The following LRP6 variants were observed in gnomAD, a reference collection of about 807,000 sequenced individuals.
The protein encoded by LRP6 is low-density lipoprotein receptor-related protein 6.
In LRP6, 43 loss-of-function variants were observed where a neutral mutation model predicts 184.1. The ratio of observed to expected loss-of-function variants is 0.23; its 90% CI spans 0.18 to 0.30. LRP6 has a LOEUF of 0.30. Ranked by LOEUF, LRP6 falls within the 10% of genes least tolerant of loss-of-function variation. The pLI is 1.00. For synonymous variants in LRP6, 719 were observed against 684.9 expected, an observed-to-expected ratio of 1.05 and a Z score of -0.78; for missense variants, 1,571 against 2,005.3, an observed-to-expected ratio of 0.78 and a Z score of 4.14.
At chr12:12,242,203 A>T (rs909799352) in intron 2 of LRP6, among the ~76,000 whole-genome samples, 9 of 151,970 alleles carry the variant, frequency 5.9e-5, no homozygotes, top group African/African-American at 2.2e-4. Flanking sequence ...TTATTTTAAC[A>T]CTCTTCCTCT....
chr12:12,185,526 T>C (rs925784894), intron 4 of LRP6, among the ~76,000 whole-genome samples: 1 of 152,232 alleles, frequency 6.6e-6, no homozygotes, highest in African/African-American at 2.4e-5. Context: ...TTTTTGGCTA[T>C]GTAATAAAAT....
At chr12:12,238,420 A>C (rs985977820) in intron 2 of LRP6, among the ~76,000 whole-genome samples, 9 of 152,130 alleles carry the variant, frequency 5.9e-5, no homozygotes, top group Non-Finnish European at 1.3e-4. Context: ...AAAAATGCTT[A>C]GATTCTAGAA....
chr12:12,184,472 A>G (rs549129000), intron 4 of LRP6, among the ~76,000 whole-genome samples: 5 of 140,120 alleles, frequency 3.6e-5, no homozygotes, highest in Middle Eastern at 4.7e-3. Flanking sequence ...GTCAAATGGG[A>G]AAAAAACCGC....
intron 1 of LRP6, among the ~76,000 whole-genome samples, chr12:12,259,032 CG>C (rs1456108699): frequency 6.6e-6 from 1 of 152,166 alleles, no homozygotes; most frequent in African/African-American, 2.4e-5. Context: ...AAGGCCAAAG[CG>C]GGTGGACCAC....
intron 2 of LRP6, among the ~76,000 whole-genome samples, 155 bp downstream of exon 2, chr12:12,244,107 C>T (rs1865128861): frequency 1.3e-5 from 2 of 152,118 alleles, no homozygotes; most frequent in Admixed American, 1.3e-4. Context: ...CACAACGTAA[C>T]TTTCCACATT....
chr12:12,188,278 G>T (rs1398383752), intron 3 of LRP6, among the ~76,000 whole-genome samples: 4 of 151,308 alleles, frequency 2.6e-5, no homozygotes, highest in Non-Finnish European at 5.9e-5. Context: ...CACGTTTTGA[G>T]TCAAAATAAT....
At chr12:12,202,768 TA>T (rs1197379694) in intron 3 of LRP6, among the ~76,000 whole-genome samples, 2 of 152,212 alleles carry the variant, frequency 1.3e-5, no homozygotes, top group Non-Finnish European at 2.9e-5. Flanking sequence ...GCTTTACTGG[TA>T]ATTTTGAGTG....
At chr12:12,121,727 A>G (rs888074526) in intron 22 of LRP6, among the ~76,000 whole-genome samples, 1 of 152,228 alleles carries the variant, frequency 6.6e-6, no homozygotes, top group African/African-American at 2.4e-5. Flanking sequence ...AGAATAAAAA[A>G]TGACTATTCA....
At chr12:12,177,971 A>T (rs1322802025) in intron 7 of LRP6, among the ~76,000 whole-genome samples, 1 of 152,158 alleles carries the variant, frequency 6.6e-6, no homozygotes, top group Non-Finnish European at 1.5e-5. Flanking sequence ...ACAGGGAAGA[A>T]GGAAAGAAGG....
At chr12:12,167,329 T>C (rs1456618106) in intron 7 of LRP6, among the ~76,000 whole-genome samples, 1 of 152,104 alleles carries the variant, frequency 6.6e-6, no homozygotes, top group Admixed American at 6.5e-5. Flanking sequence ...TGGGTACCTT[T>C]AAGCAAGTCT....
intron 2 of LRP6, among the ~76,000 whole-genome samples, chr12:12,205,325 C>CAAAAAAAAAAAAA (rs1334062234): frequency 6.1e-4 from 16 of 26,238 alleles, no homozygotes; most frequent in African/African-American, 1.4e-3. Context: ...CTGTCTCAAA[C>CAAAAAAAAAAAAA]AAACAAAAAA....
At chr12:12,240,858 C>T (rs1424398672) in intron 2 of LRP6, among the ~76,000 whole-genome samples, 2 of 152,138 alleles carry the variant, frequency 1.3e-5, no homozygotes, top group African/African-American at 4.8e-5. Flanking sequence ...TAGGAATCAC[C>T]TCTACTCACT....
At position 12,250,134 on chromosome 12, in the gene LRP6, TCTAATA is replaced by T. The variant is rs139569107; in HGVS notation, c.56-5485_56-5480del. 4.7e-3 allele frequency among the ~76,000 whole-genome samples: 721 copies of T among 152,286 alleles called. 8 individuals carry two copies. The highest frequency in any genetic ancestry group is 0.017 in the African/African-American group (708 of 41,532). ...ATATTCTCCCCTTTCCTTTTCTACT[TCTAATA>T]CTTTCAGTTTAGCCAACTCAAAAGC... is the stretch of plus-strand genomic sequence containing the variant. On this transcript the variant is annotated intron_variant, in intron 1 of 22. Coordinates refer to ENST00000261349, the MANE Select transcript of LRP6 (RefSeq NM_002336.3).
chr12:12,213,549 T>C (rs1245964836), intron 2 of LRP6, among the ~76,000 whole-genome samples: 1 of 152,154 alleles, frequency 6.6e-6, no homozygotes, highest in African/African-American at 2.4e-5. Context: ...TGCAATTTCT[T>C]TCATTGCTTT....
chr12:12,253,859 A>G (rs1041440233), intron 1 of LRP6, among the ~76,000 whole-genome samples: 1 of 152,076 alleles, frequency 6.6e-6, no homozygotes, highest in Non-Finnish European at 1.5e-5. Flanking sequence ...AAAAAGGGCT[A>G]TGGGCCAGGT....
At position 12,126,785 on chromosome 12, in the gene LRP6, C is replaced by T. The variant is rs765921407; in HGVS notation, c.4218G>A (p.Gly1406=). 1 of 1,614,052 alleles carries T rather than the reference C, an allele frequency of 6.2e-7. No homozygotes were observed. Among genetic ancestry groups the T allele is most frequent in the Non-Finnish European group, 8.5e-7 (1 of 1,179,952 alleles). ...RMLCPRMKGD[G]ETMTNDYVVH... is the part of the protein sequence containing the mutation. ...CTACATAGTCATTAGTCATAGTTTCCCCATCTCCCTTCATACGTGGACACA... is the reference window on the plus strand; with the variant it reads ...CTACATAGTCATTAGTCATAGTTTCTCCATCTCCCTTCATACGTGGACACA... Residue 1406 remains glycine (G), a synonymous_variant, in exon 20 of 23, where the codon GGG becomes GGA. Transcript: ENST00000261349.
chr12:12,121,265 G>A lies in LRP6; in HGVS notation c.4703C>T (p.Pro1568Leu). The change falls in exon 23 of 23, where the codon CCC becomes CTC. Residue 1568 changes from proline to leucine, a missense_variant. Pro to Leu is a moderately conservative substitution (Grantham distance 98). Around this residue, in one of 4 missense-constraint regions of LRP6, gnomAD observed 763 missense variants for 859.5 expected, o/e 0.89. Coordinates refer to ENST00000261349, the MANE Select transcript of LRP6 (RefSeq NM_002336.3). ...SDLNYDSEPV[P>L]PPPTPRSQYL... ...TTGGCTTCGGGGTGTGGGAGGTGGG[G>A]GCACAGGTTCTGAATCATAGTTCAA... 1.2e-6 allele frequency: 2 copies of A among 1,614,068 alleles called. No homozygotes were observed. Among genetic ancestry groups the A allele is most frequent in the Non-Finnish European group, 1.7e-6 (2 of 1,180,012 alleles).
At chr12:12,135,930 A>T (rs1949832563) in intron 16 of LRP6, among the ~76,000 whole-genome samples, 1 of 152,112 alleles carries the variant, frequency 6.6e-6, no homozygotes, top group African/African-American at 2.4e-5. Context: ...CACGCCTGTA[A>T]TCCTAGCACT....
intron 2 of LRP6, among the ~76,000 whole-genome samples, chr12:12,223,118 T>C (rs1262143377): frequency 1.3e-5 from 2 of 148,376 alleles, no homozygotes; most frequent in Non-Finnish European, 3.0e-5. Flanking sequence ...ATAAAGATGT[T>C]CCAAGGATTT....
Sources: allele counts gnomAD v4.1 joint callset (sites outside exome capture counted in the v4.1 genomes callset), GRCh38; gene constraint gnomAD v4.1.1; regional missense constraint gnomAD v4.1.1; transcripts MANE v1.5; gene names NCBI Gene and HGNC (gene_info 2026-07-23, HGNC 2026-07-21).